Variants in ZNRF3 observed in about 807,000 individuals in gnomAD.
The protein encoded by ZNRF3 is E3 ubiquitin-protein ligase ZNRF3.
ZNRF3 carries 23 observed loss-of-function variants against 72.5 expected under a neutral mutation model. The observed-to-expected ratio is 0.32, with a 90% CI of 0.23 to 0.45. The LOEUF is 0.45. Among genes scored for constraint, ZNRF3 ranks in the 20% least tolerant of loss-of-function variants. The pLI is 1.00. For missense variants in ZNRF3, 1,169 were observed against 1,272.1 expected (o/e 0.92, Z 1.23); for synonymous variants, 610 against 545.3 (o/e 1.12, Z -1.65).
intron 1 of ZNRF3, among the ~76,000 whole-genome samples, chr22:28,893,358 C>T (rs5762881): frequency 2.0e-5 from 3 of 151,792 alleles, no homozygotes; most frequent in African/African-American, 7.3e-5. Flanking sequence ...GAAGAAACAT[C>T]GGTTTTATGC....
At chr22:28,884,102 G>T in intron 1 of ZNRF3, 36 bp downstream of exon 1, 9 of 1,154,676 alleles carry the variant, frequency 7.8e-6, no homozygotes, top group Non-Finnish European at 9.7e-6. Flanking sequence ...CGCCGCCTCC[G>T]CCACAAGATG....
At chr22:28,939,929 CA>C (rs1466241861) in intron 1 of ZNRF3, among the ~76,000 whole-genome samples, 3 of 152,040 alleles carry the variant, frequency 2.0e-5, no homozygotes, top group African/African-American at 7.2e-5. Context: ...GCATTTTATT[CA>C]AAAAGATTTT....
At position 29,050,472 on chromosome 22, in the gene ZNRF3, A is replaced by G. The variant is rs776536314; in HGVS notation, c.2291A>G (p.Asp764Gly). ...SSQGLYGLHP[D>G]HLPRTDGVKY... is the part of the protein sequence containing the mutation. ...CAGGGCTTGTACGGCCTTCACCCCG[A>G]CCATTTGCCCAGGACAGATGGGGTG... is the stretch of plus-strand genomic sequence containing the variant. The change falls in exon 8 of 9, where the codon GAC (aspartate) becomes GGC (glycine). Residue 764 changes from aspartate to glycine, a missense_variant. Physicochemically the swap from Asp to Gly is moderately conservative, Grantham distance 94. Coordinates refer to ENST00000544604, the MANE Select transcript of ZNRF3 (RefSeq NM_001206998.2). 6.2e-7 allele frequency: 1 copy of G among 1,612,512 alleles called. No homozygotes were observed. Among genetic ancestry groups the G allele is most frequent in the South Asian group, 1.1e-5 (1 of 91,074 alleles).
At chr22:28,897,723 C>T (rs1325811181) in intron 1 of ZNRF3, among the ~76,000 whole-genome samples, 1 of 152,342 alleles carries the variant, frequency 6.6e-6, no homozygotes, top group South Asian at 2.1e-4. Context: ...CTAGCTCCTC[C>T]CATCTGCAGC....
intron 1 of ZNRF3, among the ~76,000 whole-genome samples, chr22:28,980,589 C>T (rs2035748184): frequency 6.6e-6 from 1 of 152,188 alleles, no homozygotes; most frequent in Admixed American, 6.5e-5. Context: ...CATTTTCCTT[C>T]AGTTGACTTA....
intron 1 of ZNRF3, among the ~76,000 whole-genome samples, chr22:28,923,667 A>G (rs921730579): frequency 6.6e-6 from 1 of 152,158 alleles, no homozygotes; most frequent in Non-Finnish European, 1.5e-5. Flanking sequence ...CCCTCATGTT[A>G]TTTTGAAGCA....
At position 29,046,658 on chromosome 22, in the gene ZNRF3, G is replaced by C. The variant is rs1601709286; in HGVS notation, c.745-58G>C. 4.8e-6 allele frequency: 7 copies of C among 1,472,810 alleles called. No homozygotes were observed. In the East Asian group the frequency reaches 1.7e-4, roughly 36 times the overall value. 91.2% of individuals were successfully genotyped at this position (1,472,810 alleles called of 1,614,324 possible). On this transcript the variant is annotated intron_variant, in intron 5 of 8. Transcript: ENST00000544604. ...AGTGAATCGTGTGTCATGTCCCTGG[G>C]GTGACTGCCACTTTCATACGTACTG...
chr22:28,888,240 A>C (rs961417115), intron 1 of ZNRF3, among the ~76,000 whole-genome samples: 5 of 152,202 alleles, frequency 3.3e-5, no homozygotes, highest in African/African-American at 1.2e-4. Context: ...CACAGAGAGT[A>C]ATTTTAGGAA....
intron 1 of ZNRF3, among the ~76,000 whole-genome samples, chr22:28,905,986 A>G (rs1447629504): frequency 6.6e-6 from 1 of 152,124 alleles, no homozygotes; most frequent in African/African-American, 2.4e-5. Context: ...AGGTAATTGG[A>G]GGCAGGTAAA....
At chr22:28,931,933 G>A (rs2034715130) in intron 1 of ZNRF3, among the ~76,000 whole-genome samples, 1 of 152,218 alleles carries the variant, frequency 6.6e-6, no homozygotes, top group Non-Finnish European at 1.5e-5. Flanking sequence ...GGTTCCTATG[G>A]ACAGAGAAGG....
At chr22:29,003,353 TA>T (rs1333985750) in intron 2 of ZNRF3, among the ~76,000 whole-genome samples, 2 of 151,458 alleles carry the variant, frequency 1.3e-5, no homozygotes, top group Non-Finnish European at 2.9e-5. Context: ...CATCTCTACT[TA>T]AAAAAATACA....
chr22:28,939,224 C>T (rs1343660813), intron 1 of ZNRF3, among the ~76,000 whole-genome samples: 1 of 145,796 alleles, frequency 6.9e-6, no homozygotes, highest in African/African-American at 2.5e-5. Context: ...GCGGAGGTAG[C>T]AGTGAGCCAA....
At chr22:28,939,605 A>G (rs1440236928) in intron 1 of ZNRF3, among the ~76,000 whole-genome samples, 1 of 151,658 alleles carries the variant, frequency 6.6e-6, no homozygotes, top group African/African-American at 2.4e-5. Context: ...GCATTCTCTT[A>G]ATGGGCCTCA....
At chr22:28,988,090 A>C (rs1200669990) in intron 2 of ZNRF3, among the ~76,000 whole-genome samples, 3 of 152,160 alleles carry the variant, frequency 2.0e-5, no homozygotes, top group Non-Finnish European at 4.4e-5. Flanking sequence ...ACAGGTAACA[A>C]CCTGTTTTAA....
chr22:29,053,698 CAA>C lies in ZNRF3; in HGVS notation c.*81_*82del, dbSNP rs2037250530. 1 of 1,471,592 alleles carries C rather than the reference CAA, an allele frequency of 6.8e-7. No individual in the cohort carries two copies. The highest frequency in any genetic ancestry group is 1.4e-5 in the African/African-American group (1 of 70,302). 91.2% of individuals were successfully genotyped at this position (1,471,592 alleles called of 1,614,324 possible). ...ACTGACTTCTTTCAAAAAACAAAAA[CAA>C]AAAATTTTTTTAGCTTTGACAAACA... is the stretch of plus-strand genomic sequence containing the variant. On this transcript the variant is annotated 3_prime_UTR_variant, in exon 9 of 9. Transcript: ENST00000544604.
intron 1 of ZNRF3, among the ~76,000 whole-genome samples, chr22:28,976,422 T>G (rs968104885): frequency 6.6e-6 from 1 of 152,144 alleles, no homozygotes; most frequent in Non-Finnish European, 1.5e-5. Flanking sequence ...CCTGGGGGAC[T>G]GAGTCAGGAG....
chr22:28,983,110 T>C (rs1357672083), intron 1 of ZNRF3, among the ~76,000 whole-genome samples: 1 of 152,170 alleles, frequency 6.6e-6, no homozygotes, highest in Non-Finnish European at 1.5e-5. Context: ...ACTGGCACTT[T>C]AGAAAAATTC....
chr22:28,902,860 C>G (rs1165272685), intron 1 of ZNRF3, among the ~76,000 whole-genome samples: 2 of 152,148 alleles, frequency 1.3e-5, no homozygotes, highest in African/African-American at 4.8e-5. Context: ...CTCACATATA[C>G]CTAACGTTTA....
intron 1 of ZNRF3, among the ~76,000 whole-genome samples, chr22:28,984,734 T>C (rs1474141281): frequency 2.6e-5 from 4 of 152,244 alleles, no homozygotes; most frequent in African/African-American, 4.8e-5. Flanking sequence ...TCATCCCTCT[T>C]GCTCATCCTT....
Sources: gnomAD v4.1 joint callset for allele counts (sites outside exome capture counted in the v4.1 genomes callset) on GRCh38, gnomAD v4.1.1 for gene constraint, MANE v1.5 for transcripts, NCBI Gene and HGNC (gene_info 2026-07-23, HGNC 2026-07-21) for gene names.